Variants in ZC3H12C observed in about 807,000 individuals in gnomAD.
ZC3H12C encodes the protein probable ribonuclease ZC3H12C.
A neutral mutation model predicts 76.3 loss-of-function variants in ZC3H12C; 20 were observed. The ratio of observed to expected loss-of-function variants is 0.26; its 90% CI spans 0.18 to 0.38. The LOEUF (loss-of-function observed/expected upper bound fraction) is 0.38, where lower values mean the gene tolerates loss of function less well. Among genes scored for constraint, ZC3H12C ranks in the 10% least tolerant of loss-of-function variants. The pLI is 1.00. For missense variants in ZC3H12C, 874 were observed against 1,086.5 expected (o/e 0.80, Z 2.75); for synonymous variants, 352 against 399.6 (o/e 0.88, Z 1.42).
At chr11:110,101,317 A>C (rs1331770682) in intron 1 of ZC3H12C, among the ~76,000 whole-genome samples, 1 of 152,226 alleles carries the variant, frequency 6.6e-6, no homozygotes, top group Non-Finnish European at 1.5e-5. Flanking sequence ...AGCCAAGATA[A>C]TTGATGAAGG....
intron 1 of ZC3H12C, among the ~76,000 whole-genome samples, chr11:110,101,252 G>A (rs970952680): frequency 1.3e-5 from 2 of 152,164 alleles, no homozygotes; most frequent in Non-Finnish European, 2.9e-5. Context: ...GCTGGTTCGT[G>A]AAGTTTAAGG....
At chr11:110,161,181 A>T (rs7127571) in intron 4 of ZC3H12C, among the ~76,000 whole-genome samples, 36,328 of 152,106 alleles carry the variant, frequency 0.24, 4,317 homozygotes, top group Middle Eastern at 0.37. Context: ...TGCGCAGTCC[A>T]TAATAGTATG....
In ZC3H12C at chr11:110,167,983, ACTT is replaced by A. The variant is rs1162931059; in HGVS notation, c.*2250_*2252del. 1.1e-4 allele frequency: 17 copies of A among 152,122 alleles called. No individual in the cohort carries two copies. Among genetic ancestry groups the A allele is most frequent in the Admixed American group, 1.1e-3 (17 of 15,262 alleles). The allele number at this position is 152,122 out of a possible 1,614,324, so 9.4% of individuals were successfully genotyped here. On this transcript the variant is annotated 3_prime_UTR_variant, in exon 6 of 6. Transcript: ENST00000278590. ...TCTTTTATTTTAGTCATATTCTAAG[ACTT>A]CTTTTTAGTATGAAATCACTTTTAA...
At chr11:110,126,216 C>CTTTTTT (rs56199067) in intron 1 of ZC3H12C, among the ~76,000 whole-genome samples, 1 of 86,240 alleles carries the variant, frequency 1.2e-5, no homozygotes, top group Admixed American at 1.3e-4. Context: ...TTGTTTTCTT[C>CTTTTTT]TTTTTTTTTT....
intron 1 of ZC3H12C, among the ~76,000 whole-genome samples, chr11:110,133,786 G>C (rs1354860739): frequency 6.6e-6 from 1 of 152,110 alleles, no homozygotes; most frequent in Non-Finnish European, 1.5e-5. Context: ...TAGTATCACT[G>C]ACACTTTTTT....
At chr11:110,151,743 G>A (rs752389550) in intron 2 of ZC3H12C, among the ~76,000 whole-genome samples, 13 of 152,066 alleles carry the variant, frequency 8.5e-5, no homozygotes, top group Admixed American at 1.3e-4. Context: ...CTGAAACTCT[G>A]GTGCATCTGA....
chr11:110,141,139 A>G (rs1862061067), intron 2 of ZC3H12C, among the ~76,000 whole-genome samples: 1 of 152,194 alleles, frequency 6.6e-6, no homozygotes, highest in African/African-American at 2.4e-5. Context: ...GTGTTAGTAC[A>G]CATCTGATTG....
At chr11:110,154,134 G>C (rs960203115) in intron 3 of ZC3H12C, among the ~76,000 whole-genome samples, 1 of 152,234 alleles carries the variant, frequency 6.6e-6, no homozygotes, top group East Asian at 1.9e-4. Flanking sequence ...AACTTTGGGA[G>C]GCCGAGGCGG....
At chr11:110,095,390 T>A (rs996558897) in intron 1 of ZC3H12C, among the ~76,000 whole-genome samples, 1 of 152,278 alleles carries the variant, frequency 6.6e-6, no homozygotes, top group Non-Finnish European at 1.5e-5. Context: ...CTGTTATAAC[T>A]TCTTAGTGTG....
In ZC3H12C at chr11:110,165,187, C is replaced by T. The variant is rs752529467; in HGVS notation, c.2102C>T (p.Pro701Leu). ...GAAGAACCAAAGTTCCATCACAAGC[C>T]TCCTCTTCCGCACCTGGCTCTGCAC... is the stretch of plus-strand genomic sequence containing the variant. ...SHEEPKFHHK[P>L]PLPHLALHLP... Residue 701 changes from proline (P) to leucine (L), a missense_variant, in exon 6 of 6, where the codon CCT becomes CTT. Transcript: ENST00000278590. 4 of 1,613,880 alleles carry T rather than the reference C, an allele frequency of 2.5e-6. No homozygotes were observed. Among genetic ancestry groups the T allele is most frequent in the Non-Finnish European group, 8.5e-7 (1 of 1,179,902 alleles).
chr11:110,147,415 A>T (rs1862190928), intron 2 of ZC3H12C, among the ~76,000 whole-genome samples: 1 of 151,954 alleles, frequency 6.6e-6, no homozygotes, highest in African/African-American at 2.4e-5. Flanking sequence ...ACACATGACT[A>T]CAGGGAGGGG....
chr11:110,120,486 G>A (rs758995767), intron 1 of ZC3H12C, among the ~76,000 whole-genome samples: 3 of 152,090 alleles, frequency 2.0e-5, no homozygotes, highest in Non-Finnish European at 2.9e-5. Flanking sequence ...GAAAAACGTA[G>A]CACTAAATAG....
At chr11:110,121,096 G>T (rs1213563906) in intron 1 of ZC3H12C, among the ~76,000 whole-genome samples, 2 of 152,144 alleles carry the variant, frequency 1.3e-5, no homozygotes, top group African/African-American at 4.8e-5. Flanking sequence ...CTCTAGGTGG[G>T]ACTTTGGCAT....
intron 1 of ZC3H12C, among the ~76,000 whole-genome samples, chr11:110,109,154 G>T (rs1861384975): frequency 6.6e-6 from 1 of 152,210 alleles, no homozygotes; most frequent in African/African-American, 2.4e-5. Context: ...TCATAGACCA[G>T]TTGGGATGCC....
rs752637781 is a variant in ZC3H12C, at chr11:110,159,250, T to C, written c.914-6T>C. The C allele has an allele frequency of 2.7e-5, 44 of 1,600,382 alleles. No homozygotes were observed. The highest frequency in any genetic ancestry group is 3.7e-5 in the Non-Finnish European group (43 of 1,172,532). On this transcript the variant is annotated splice_region_variant and splice_polypyrimidine_tract_variant and intron_variant, in intron 3 of 5. Coordinates refer to ENST00000278590, the MANE Select transcript of ZC3H12C (RefSeq NM_033390.2). ...TTCTGCCATCCTACCGTCATTATTC[T>C]TGCAGATCAGGAAATTTTACGTAAA...
chr11:110,141,022 C>A (rs2134180924), intron 2 of ZC3H12C, among the ~76,000 whole-genome samples: 1 of 152,224 alleles, frequency 6.6e-6, no homozygotes, highest in Non-Finnish European at 1.5e-5. Context: ...ACAAGAATAT[C>A]ATTGGTTTTA....
chr11:110,094,118 T>G (rs890371985), intron 1 of ZC3H12C, among the ~76,000 whole-genome samples: 2 of 152,240 alleles, frequency 1.3e-5, no homozygotes, highest in Non-Finnish European at 2.9e-5. Context: ...TTCCCTAAGC[T>G]GTCTCATTTC....
intron 2 of ZC3H12C, among the ~76,000 whole-genome samples, chr11:110,147,549 A>G (rs1862193255): frequency 6.6e-6 from 1 of 151,882 alleles, no homozygotes; most frequent in Non-Finnish European, 1.5e-5. Flanking sequence ...GCACACCACC[A>G]TGGCACATGT....
intron 1 of ZC3H12C, among the ~76,000 whole-genome samples, chr11:110,118,039 TATACACATATATATTATATATATACACAC>T (rs1861586544): frequency 1.2e-5 from 1 of 86,378 alleles, no homozygotes; most frequent in South Asian, 3.4e-4. Flanking sequence ...ATTATATATA[TATACACATATATATTATATATATACACAC>T]ACACATATAT....
Sources: allele counts gnomAD v4.1 joint callset (sites outside exome capture counted in the v4.1 genomes callset), GRCh38; gene constraint gnomAD v4.1.1; transcripts MANE v1.5; gene names NCBI Gene and HGNC (gene_info 2026-07-23, HGNC 2026-07-21).